Variants in VGLL4 observed in about 807,000 individuals in gnomAD.
VGLL4 encodes the protein vestigial like family member 4, also known as transcription cofactor vestigial-like protein 4.
Under a neutral mutation model 21.0 loss-of-function variants are expected in VGLL4, and 7 were observed. The ratio of observed to expected loss-of-function variants is 0.33; its 90% CI spans 0.19 to 0.63. VGLL4 has a LOEUF of 0.63. Among genes scored for constraint, VGLL4 ranks in the 20% least tolerant of loss-of-function variants. The pLI, the probability that VGLL4 is intolerant of heterozygous loss-of-function variation, is 0.78. For missense variants in VGLL4, 394 were observed against 425.7 expected (o/e 0.93, Z 0.66); for synonymous variants, 222 against 173.2 (o/e 1.28, Z -2.21).
intron 2 of VGLL4, among the ~76,000 whole-genome samples, chr3:11,700,516 G>A (rs926718545): frequency 3.3e-5 from 5 of 151,810 alleles, no homozygotes; most frequent in South Asian, 2.1e-4. Flanking sequence ...GCACCAGCCC[G>A]CCCCACCCCT....
intron 2 of VGLL4, among the ~76,000 whole-genome samples, chr3:11,579,939 A>G (rs1308190171): frequency 6.6e-6 from 1 of 152,202 alleles, no homozygotes; most frequent in East Asian, 1.9e-4. Flanking sequence ...CCAGATGAGT[A>G]TGGAATATAA....
intron 2 of VGLL4, among the ~76,000 whole-genome samples, chr3:11,663,789 G>C (rs1445616473): frequency 6.6e-6 from 1 of 152,156 alleles, no homozygotes; most frequent in African/African-American, 2.4e-5. Flanking sequence ...GGACGGTTCT[G>C]TTATTACATA....
intron 1 of VGLL4, among the ~76,000 whole-genome samples, chr3:11,619,684 C>A (rs544112354): frequency 6.6e-6 from 1 of 152,118 alleles, no homozygotes; most frequent in Non-Finnish European, 1.5e-5. Flanking sequence ...AAAAATCAGG[C>A]CGATTGATGA....
At chr3:11,710,312 A>G (rs1028250511) in intron 1 of VGLL4, among the ~76,000 whole-genome samples, 2 of 152,216 alleles carry the variant, frequency 1.3e-5, no homozygotes, top group Non-Finnish European at 2.9e-5. Flanking sequence ...TTTTCAAGCA[A>G]TGGAACACAA....
intron 1 of VGLL4, among the ~76,000 whole-genome samples, chr3:11,622,190 C>T (rs1209568684): frequency 1.3e-5 from 2 of 152,186 alleles, no homozygotes; most frequent in Non-Finnish European, 1.5e-5. Flanking sequence ...ACATCTTTTA[C>T]AAAGCTTACG....
At chr3:11,638,699 C>A (rs1187193433) in intron 1 of VGLL4, among the ~76,000 whole-genome samples, 2 of 152,150 alleles carry the variant, frequency 1.3e-5, no homozygotes, top group African/African-American at 2.4e-5. Flanking sequence ...GGGCTGGGGA[C>A]CAGGAGAGGG....
At chr3:11,588,815 G>A (rs1006252764) in intron 2 of VGLL4, among the ~76,000 whole-genome samples, 3 of 152,270 alleles carry the variant, frequency 2.0e-5, no homozygotes, top group Non-Finnish European at 2.9e-5. Flanking sequence ...CAGTGAGGCG[G>A]TGCTGAATTT....
rs978600896 is a variant in VGLL4, at chr3:11,558,198, C to T, written c.*358G>A. On this transcript the variant is annotated 3_prime_UTR_variant, in exon 5 of 5. Coordinates refer to ENST00000430365, the MANE Select transcript of VGLL4 (RefSeq NM_001128219.3). Reference sequence around the variant, plus strand: ...AAGAAGCAAAGGAAAAAGCACAAAGCGTCTGAGTCACCAATTCATCATGGC... The same window carrying T: ...AAGAAGCAAAGGAAAAAGCACAAAGTGTCTGAGTCACCAATTCATCATGGC... 2.8e-5 allele frequency: 9 copies of T among 326,624 alleles called. No homozygotes were observed. Among genetic ancestry groups the T allele is most frequent in the South Asian group, 1.6e-4 (3 of 19,054 alleles). The allele number at this position is 326,624 out of a possible 1,614,324, so 20.2% of individuals were successfully genotyped here. A position where few individuals can be genotyped will look rare whatever the true frequency, so the allele number is the denominator to read the frequency against.
At chr3:11,613,243 G>T (rs1410905889) in intron 1 of VGLL4, among the ~76,000 whole-genome samples, 1 of 152,144 alleles carries the variant, frequency 6.6e-6, no homozygotes, top group Non-Finnish European at 1.5e-5. Context: ...CATGTGACAG[G>T]TTAAGCACCG....
At chr3:11,636,362 G>A (rs1048050513) in intron 1 of VGLL4, among the ~76,000 whole-genome samples, 2 of 152,162 alleles carry the variant, frequency 1.3e-5, no homozygotes, top group Non-Finnish European at 2.9e-5. Flanking sequence ...CTATTTTCAT[G>A]CAAAACAGAT....
chr3:11,634,732 C>A (rs902405099), intron 1 of VGLL4, among the ~76,000 whole-genome samples: 4 of 151,614 alleles, frequency 2.6e-5, no homozygotes, highest in Admixed American at 1.3e-4. Context: ...GGCCAGAGTG[C>A]GGTGGGATGA....
intron 1 of VGLL4, among the ~76,000 whole-genome samples, chr3:11,629,357 T>C (rs1324161011): frequency 9.7e-6 from 1 of 103,166 alleles, no homozygotes; most frequent in Non-Finnish European, 2.0e-5. Flanking sequence ...CCAAAACATG[T>C]AGATTGAAAA....
chr3:11,709,543 T>C (rs2076811267), intron 1 of VGLL4, among the ~76,000 whole-genome samples: 2 of 151,398 alleles, frequency 1.3e-5, no homozygotes. Flanking sequence ...GGTTGTCAAA[T>C]GTGAAGTTAA....
chr3:11,606,080 C>G (rs1328508225), intron 1 of VGLL4, among the ~76,000 whole-genome samples: 3 of 152,102 alleles, frequency 2.0e-5, no homozygotes, highest in African/African-American at 7.2e-5. Context: ...CTGGGGAGGC[C>G]TCACAATCAC....
intron 3 of VGLL4, 145 bp from the exon 4 acceptor site, chr3:11,559,600 G>T: frequency 7.8e-7 from 1 of 1,274,830 alleles, no homozygotes; most frequent in Non-Finnish European, 1.0e-6. Flanking sequence ...CTGGAGTCCT[G>T]TTGCTAAACA....
chr3:11,658,094 T>C (rs2075982318), intron 2 of VGLL4, among the ~76,000 whole-genome samples: 1 of 140,486 alleles, frequency 7.1e-6, no homozygotes, highest in South Asian at 2.2e-4. Context: ...CCACCACACC[T>C]GGCTAATTTT....
intron 1 of VGLL4, among the ~76,000 whole-genome samples, chr3:11,707,359 G>C (rs1382321517): frequency 7.2e-6 from 1 of 139,340 alleles, no homozygotes; most frequent in South Asian, 2.4e-4. Context: ...AAAAGACGAA[G>C]AAGTTCTGTG....
chr3:11,558,347 T>C lies in VGLL4; in HGVS notation c.*209A>G. The C allele has an allele frequency of 1.3e-6, 1 of 749,480 alleles. No homozygotes were observed. The highest frequency in any genetic ancestry group is 2.1e-6 in the Non-Finnish European group (1 of 476,468). 46.4% of individuals were successfully genotyped at this position (749,480 alleles called of 1,614,324 possible). On this transcript the variant is annotated 3_prime_UTR_variant, in exon 5 of 5. Transcript: ENST00000430365. Reference sequence around the variant, plus strand: ...CATTAGACAGATGTTCCACGCGTAGTTCCTGCTATCATGTTTGAGGGCCCC... The same window carrying C: ...CATTAGACAGATGTTCCACGCGTAGCTCCTGCTATCATGTTTGAGGGCCCC...
chr3:11,609,490 G>T (rs925015614), intron 1 of VGLL4, among the ~76,000 whole-genome samples: 1 of 152,124 alleles, frequency 6.6e-6, no homozygotes, highest in Non-Finnish European at 1.5e-5. Flanking sequence ...TCATTTATTC[G>T]AATACTACAA....
Sources: gnomAD v4.1 joint callset for allele counts (sites outside exome capture counted in the v4.1 genomes callset) on GRCh38, gnomAD v4.1.1 for gene constraint, MANE v1.5 for transcripts, NCBI Gene and HGNC (gene_info 2026-07-23, HGNC 2026-07-21) for gene names.